HYCC1: variants seen among roughly 807,000 people sequenced by gnomAD.
HYCC1 encodes the protein hyccin PI4KA lipid kinase complex subunit 1.
At chr7:22,942,270 G>A in the HYCC1 span, 1 of 152,006 alleles carries the variant, frequency 6.6e-6, no homozygotes, top group East Asian at 1.9e-4. Context: ...CAATTGAAAA[G>A]AGCAATGAAA....
chr7:22,944,716 C>T, the HYCC1 span: 1 of 152,144 alleles, frequency 6.6e-6, no homozygotes, highest in Non-Finnish European at 1.5e-5. Flanking sequence ...CTTCCAATGA[C>T]GTATGCTCTG....
At chr7:22,991,104 G>GTAAA in the HYCC1 span, 1 of 1,610,578 alleles carries the variant, frequency 6.2e-7, no homozygotes, top group South Asian at 1.1e-5. Context: ...TTTCTCTGAA[G>GTAAA]TAAACATTTT....
the HYCC1 span, among the ~76,000 whole-genome samples, chr7:22,906,320 G>T: frequency 6.6e-6 from 1 of 152,140 alleles, no homozygotes; most frequent in African/African-American, 2.4e-5. Context: ...ACTCAAACCT[G>T]TAATCTCAGC....
the HYCC1 span, among the ~76,000 whole-genome samples, chr7:22,901,237 A>AG: frequency 6.7e-6 from 1 of 149,958 alleles, no homozygotes; most frequent in Admixed American, 6.6e-5. Context: ...AAAAAAAAAA[A>AG]AAAAAAAAAG....
At chr7:22,994,835 AC>A in the HYCC1 span, among the ~76,000 whole-genome samples, 1 of 152,058 alleles carries the variant, frequency 6.6e-6, no homozygotes, top group African/African-American at 2.4e-5. Flanking sequence ...TATGTCCAGC[AC>A]CACAAGAAGC....
the HYCC1 span, among the ~76,000 whole-genome samples, chr7:23,010,677 C>T: frequency 6.6e-6 from 1 of 152,060 alleles, no homozygotes; most frequent in Non-Finnish European, 1.5e-5. Flanking sequence ...AATAGAAAAG[C>T]TGTTGAAATA....
chr7:23,007,517 C>T, the HYCC1 span, among the ~76,000 whole-genome samples: 1 of 152,056 alleles, frequency 6.6e-6, no homozygotes, highest in African/African-American at 2.4e-5. Context: ...TCCAAAAAGA[C>T]CTAGACATTT....
At chr7:22,972,997 AT>A in the HYCC1 span, among the ~76,000 whole-genome samples, 1 of 152,086 alleles carries the variant, frequency 6.6e-6, no homozygotes, top group African/African-American at 2.4e-5. Context: ...TATCCCATGA[AT>A]TTTTTCTGGT....
chr7:22,913,752 T>C, the HYCC1 span, among the ~76,000 whole-genome samples: 5 of 152,204 alleles, frequency 3.3e-5, no homozygotes, highest in Non-Finnish European at 5.9e-5. Flanking sequence ...TCAGCCCACC[T>C]ACACCTAGGT....
chr7:22,898,302 C>T, the HYCC1 span, among the ~76,000 whole-genome samples: 1 of 152,052 alleles, frequency 6.6e-6, no homozygotes, highest in African/African-American at 2.4e-5. Context: ...GAACCTCCAC[C>T]TCCTGGGTTC....
chr7:22,940,657 C>T, the HYCC1 span: 1 of 152,058 alleles, frequency 6.6e-6, no homozygotes, highest in Non-Finnish European at 1.5e-5. Context: ...TTAAAGAAAA[C>T]ACTGAAGACT....
At chr7:22,963,057 T>C in the HYCC1 span, among the ~76,000 whole-genome samples, 1 of 152,020 alleles carries the variant, frequency 6.6e-6, no homozygotes, top group Non-Finnish European at 1.5e-5. Flanking sequence ...CTATAATAAT[T>C]CCACTAGCAG....
the HYCC1 span, among the ~76,000 whole-genome samples, chr7:22,929,685 AG>A: frequency 6.6e-6 from 1 of 152,246 alleles, no homozygotes; most frequent in Non-Finnish European, 1.5e-5. Context: ...TTAAAAAGTC[AG>A]GAAACAACAG....
chr7:22,960,302 A>T, the HYCC1 span: 1 of 1,613,828 alleles, frequency 6.2e-7, no homozygotes, highest in Non-Finnish European at 8.5e-7. Context: ...TGGTTACTGC[A>T]TTTCTTGATA....
chr7:22,956,673 T>C, the HYCC1 span, among the ~76,000 whole-genome samples: 3 of 151,846 alleles, frequency 2.0e-5, no homozygotes, highest in South Asian at 6.2e-4. Flanking sequence ...GGGATGTTGA[T>C]ATACTGGGGG....
the HYCC1 span, among the ~76,000 whole-genome samples, chr7:23,012,876 A>C: frequency 8.5e-5 from 13 of 152,186 alleles, no homozygotes; most frequent in Non-Finnish European, 1.8e-4. Flanking sequence ...CTGCTCCAAA[A>C]ACTACTGTGT....
the HYCC1 span, among the ~76,000 whole-genome samples, chr7:22,919,580 G>GT: frequency 1.3e-5 from 2 of 151,382 alleles, no homozygotes; most frequent in African/African-American, 2.4e-5. Context: ...CAAGTAGAGA[G>GT]TATCAATTAG....
the HYCC1 span, chr7:22,983,946 C>T: frequency 1.9e-6 from 3 of 1,550,624 alleles, no homozygotes; most frequent in Admixed American, 3.3e-5. Context: ...GTACTTACCT[C>T]ACTTTGTGGC....
At chr7:22,919,258 G>A in the HYCC1 span, among the ~76,000 whole-genome samples, 1,220 of 152,318 alleles carry the variant, frequency 8.0e-3, 21 homozygotes, top group African/African-American at 0.028. Context: ...GCCAGGCGCC[G>A]TGGCTCACAC....
Sources: allele counts gnomAD v4.1 joint callset (sites outside exome capture counted in the v4.1 genomes callset), GRCh38; gene constraint gnomAD v4.1.1; transcripts MANE v1.5; gene names NCBI Gene and HGNC (gene_info 2026-07-23, HGNC 2026-07-21).